The following SCAPER variants were observed in gnomAD, a reference collection of about 807,000 sequenced individuals.
SCAPER encodes the protein S phase cyclin A-associated protein in the endoplasmic reticulum.
Under a neutral mutation model 182.2 loss-of-function variants are expected in SCAPER, and 98 were observed. The ratio of observed to expected loss-of-function variants is 0.54; its 90% CI spans 0.46 to 0.64. The LOEUF is 0.64. Among genes scored for constraint, SCAPER ranks in the 30% least tolerant of loss-of-function variants. The pLI is 0.00. For synonymous variants in SCAPER, 605 were observed against 564.6 expected, an observed-to-expected ratio of 1.07 and a Z score of -1.01; for missense variants, 1,432 against 1,690.0, an observed-to-expected ratio of 0.85 and a Z score of 2.68.
At chr15:76,357,184 A>ACACACACACACCCC (rs1485814475) in intron 29 of SCAPER, among the ~76,000 whole-genome samples, 5 of 151,386 alleles carry the variant, frequency 3.3e-5, no homozygotes, top group Non-Finnish European at 7.4e-5. Context: ...ACACACACAC[A>ACACACACACACCCC]CACACCCCTA....
intron 31 of SCAPER, chr15:76,350,318 T>C (rs1322262512): frequency 6.6e-6 from 1 of 152,072 alleles, no homozygotes; most frequent in African/African-American, 2.4e-5. Context: ...TAGCTTTAGT[T>C]ATATTTTCTT....
chr15:76,637,642 A>G (rs2053714246), intron 21 of SCAPER, among the ~76,000 whole-genome samples: 1 of 151,194 alleles, frequency 6.6e-6, no homozygotes, highest in Admixed American at 6.6e-5. Flanking sequence ...GTTGTTCAAG[A>G]TTACAGTGAA....
chr15:76,886,708 G>A lies in SCAPER; in HGVS notation c.-59-2832C>T, dbSNP rs1171291570. Among the ~76,000 whole-genome samples, 8 of 152,240 alleles carry A rather than the reference G, an allele frequency of 5.3e-5. No homozygotes were observed. In the East Asian group the frequency reaches 9.7e-4, roughly 18 times the overall value. ...TATAAAGACACATACACCTGTATGC[G>A]CATTGCAGCACAATTCACAATAGCA... On this transcript the variant is annotated intron_variant, in intron 1 of 31. Transcript: ENST00000563290.
intron 25 of SCAPER, among the ~76,000 whole-genome samples, chr15:76,454,397 A>T (rs185202876): frequency 1.9e-4 from 29 of 152,264 alleles, no homozygotes; most frequent in African/African-American, 7.0e-4. Context: ...AATTTAAATA[A>T]TTTAACGGGA....
intron 8 of SCAPER, among the ~76,000 whole-genome samples, chr15:76,779,560 AAAG>A (rs541432619): frequency 2.0e-5 from 3 of 152,206 alleles, no homozygotes; most frequent in Non-Finnish European, 4.4e-5. Context: ...AATTTAAAAG[AAAG>A]AAGTTTCTCT....
chr15:76,765,168 A>G (rs1294408412), intron 13 of SCAPER, 96 bp from the exon 14 acceptor site: 26 of 1,102,772 alleles, frequency 2.4e-5, no homozygotes, highest in African/African-American at 3.2e-5. Flanking sequence ...AAAGTATACA[A>G]AACTAATTTT....
chr15:76,646,668 T>C (rs1023821077), intron 21 of SCAPER, among the ~76,000 whole-genome samples: 1 of 152,212 alleles, frequency 6.6e-6, no homozygotes, highest in African/African-American at 2.4e-5. Context: ...AGCAGCAAAG[T>C]TCTGACTCAC....
chr15:76,568,951 T>C (rs1021375520), intron 23 of SCAPER, among the ~76,000 whole-genome samples: 2 of 152,068 alleles, frequency 1.3e-5, no homozygotes, highest in African/African-American at 4.8e-5. Context: ...TAATCTAACT[T>C]ATTTGTGCTA....
At chr15:76,365,629 A>G (rs1260801105) in intron 29 of SCAPER, among the ~76,000 whole-genome samples, 1 of 151,716 alleles carries the variant, frequency 6.6e-6, no homozygotes, top group Non-Finnish European at 1.5e-5. Context: ...TCACCATATC[A>G]TCGTAAATTT....
At chr15:76,356,943 C>T (rs993781796) in intron 29 of SCAPER, among the ~76,000 whole-genome samples, 7 of 152,082 alleles carry the variant, frequency 4.6e-5, no homozygotes, top group African/African-American at 7.2e-5. Flanking sequence ...AGGAAATCAA[C>T]GGAATTTCCA....
rs1265664133 is a variant in SCAPER, at chr15:76,499,201, C to T, written c.2954+5658G>A. Among the ~76,000 whole-genome samples the T allele has an allele frequency of 2.6e-5, 4 of 152,126 alleles. No individual in the cohort carries two copies. The East Asian group carries it at 7.7e-4, about 29-fold the overall frequency. ...TAAAGATAGACTAAAGAAGCCATTG[C>T]CTAAAATCCATCTAACAGAGAAGAA... On this transcript the variant is annotated intron_variant, in intron 24 of 31. Transcript: ENST00000563290.
At chr15:76,737,909 A>G (rs994795659) in intron 15 of SCAPER, among the ~76,000 whole-genome samples, 2 of 152,218 alleles carry the variant, frequency 1.3e-5, no homozygotes, top group African/African-American at 4.8e-5. Context: ...AATTGGAAGT[A>G]GTCGGGATCT....
intron 21 of SCAPER, among the ~76,000 whole-genome samples, chr15:76,639,035 CTT>C (rs1252907819): frequency 1.3e-5 from 2 of 152,080 alleles, no homozygotes; most frequent in Admixed American, 1.3e-4. Flanking sequence ...AAATGCCTGT[CTT>C]GTTTTTAAAA....
At chr15:76,826,468 C>T (rs1382584476) in intron 5 of SCAPER, among the ~76,000 whole-genome samples, 2 of 149,120 alleles carry the variant, frequency 1.3e-5, no homozygotes, top group African/African-American at 2.5e-5. Flanking sequence ...TGCTAGATGA[C>T]GAGTGAGTGG....
chr15:76,503,032 T>C lies in SCAPER; in HGVS notation c.2954+1827A>G, dbSNP rs74328451. Among the ~76,000 whole-genome samples the C allele has an allele frequency of 8.1e-3, 1,226 of 151,958 alleles. 12 individuals are homozygous for C. The highest frequency in any genetic ancestry group is 0.028 in the African/African-American group (1,163 of 41,488). On this transcript the variant is annotated intron_variant, in intron 24 of 31. Transcript: ENST00000563290. ...CCAGGTTACCAATCAGAGAGCTTAG[T>C]GTCATGCACGTTGAAGCCTACCAGA...
chr15:76,720,894 T>C (rs573605910), intron 17 of SCAPER, among the ~76,000 whole-genome samples: 72 of 152,236 alleles, frequency 4.7e-4, no homozygotes, highest in Middle Eastern at 3.4e-3. Context: ...ACTCTGATGG[T>C]GGTTTCTTTT....
At chr15:76,520,980 T>C (rs2042792054) in intron 23 of SCAPER, among the ~76,000 whole-genome samples, 2 of 152,144 alleles carry the variant, frequency 1.3e-5, no homozygotes, top group African/African-American at 4.8e-5. Flanking sequence ...ACTACAGATA[T>C]AATGAACTAA....
intron 20 of SCAPER, among the ~76,000 whole-genome samples, chr15:76,673,467 T>C (rs2057165605): frequency 6.6e-6 from 1 of 152,154 alleles, no homozygotes; most frequent in Admixed American, 6.5e-5. Flanking sequence ...GTAATGTTAT[T>C]CTAAGACTGT....
chr15:76,630,975 A>G (rs12442635), intron 21 of SCAPER, among the ~76,000 whole-genome samples: 20,841 of 151,868 alleles, frequency 0.14, 2,104 homozygotes, highest in East Asian at 0.47. Context: ...GAATCTGGGT[A>G]CTCCTATACT....
Sources: allele counts gnomAD v4.1 joint callset (sites outside exome capture counted in the v4.1 genomes callset), GRCh38; gene constraint gnomAD v4.1.1; transcripts MANE v1.5; gene names NCBI Gene and HGNC (gene_info 2026-07-23, HGNC 2026-07-21).